Variants in SCEL observed in about 807,000 individuals in gnomAD.
SCEL encodes sciellin.
A neutral mutation model predicts 117.6 loss-of-function variants in SCEL; 113 were observed. The ratio of observed to expected loss-of-function variants is 0.96; its 90% confidence interval spans 0.83 to 1.12. The LOEUF is 1.12. Ranked by LOEUF, SCEL falls within the 50% of genes most tolerant of loss-of-function variation. The probability of loss-of-function intolerance (pLI) is 0.00; values close to 1 mark genes in which losing one functional copy is unlikely to be tolerated. For missense variants in SCEL, 785 were observed against 810.8 expected (o/e 0.97, Z 0.39); for synonymous variants, 270 against 256.2 (o/e 1.05, Z -0.51).
At chr13:77,621,268 C>A (rs2089400042) in intron 27 of SCEL, among the ~76,000 whole-genome samples, 1 of 152,182 alleles carries the variant, frequency 6.6e-6, no homozygotes, top group Admixed American at 6.5e-5. Context: ...CCTCCTTAAC[C>A]TGGTCTCTAA....
chr13:77,571,023 G>A (rs781377763), intron 8 of SCEL, among the ~76,000 whole-genome samples: 9 of 151,092 alleles, frequency 6.0e-5, no homozygotes, highest in Non-Finnish European at 1.2e-4. Context: ...GTAGAGATGG[G>A]GTTTCACCAT....
intron 5 of SCEL, among the ~76,000 whole-genome samples, chr13:77,566,145 G>A (rs1181129807): frequency 1.3e-5 from 2 of 152,120 alleles, no homozygotes; most frequent in African/African-American, 4.8e-5. Flanking sequence ...GGTGACTAAA[G>A]AGTAAAGGAA....
At chr13:77,641,143 G>T (rs2090539455) in intron 31 of SCEL, among the ~76,000 whole-genome samples, 1 of 152,142 alleles carries the variant, frequency 6.6e-6, no homozygotes, top group African/African-American at 2.4e-5. Context: ...AAAATAAATT[G>T]TTGAGAAGAA....
At chr13:77,593,300 G>GTGTGCGCGCGCGCGTC (rs1555510801) in intron 11 of SCEL, among the ~76,000 whole-genome samples, 1 of 145,146 alleles carries the variant, frequency 6.9e-6, no homozygotes, top group Non-Finnish European at 1.5e-5. Flanking sequence ...GTGTGTGTCT[G>GTGTGCGCGCGCGCGTC]TGTGTGTGTG....
At chr13:77,580,546 A>T (rs541307) in intron 9 of SCEL, among the ~76,000 whole-genome samples, 27,482 of 152,130 alleles carry the variant, frequency 0.18, 2,848 homozygotes, top group African/African-American at 0.27. Context: ...GTTTTTGGTA[A>T]ATTCAAATGA....
At chr13:77,638,656 T>C (rs989097963) in intron 30 of SCEL, among the ~76,000 whole-genome samples, 1 of 152,214 alleles carries the variant, frequency 6.6e-6, no homozygotes, top group African/African-American at 2.4e-5. Context: ...TGTGTGAAAT[T>C]GGCGATGTTC....
intron 1 of SCEL, among the ~76,000 whole-genome samples, chr13:77,536,048 C>G (rs915456568): frequency 6.6e-6 from 1 of 152,026 alleles, no homozygotes; most frequent in African/African-American, 2.4e-5. Context: ...TTATGGGCAT[C>G]ACAGAAACGA....
intron 28 of SCEL, among the ~76,000 whole-genome samples, chr13:77,632,366 G>A (rs2090064791): frequency 6.6e-6 from 1 of 152,148 alleles, no homozygotes; most frequent in Non-Finnish European, 1.5e-5. Context: ...GTTTTGTATT[G>A]TATATTATAT....
chr13:77,606,722 G>A (rs2088221158), intron 19 of SCEL, among the ~76,000 whole-genome samples: 1 of 152,150 alleles, frequency 6.6e-6, no homozygotes, highest in Non-Finnish European at 1.5e-5. Flanking sequence ...ACAAATAAAA[G>A]ACTTGAATCA....
chr13:77,541,588 G>A (rs1011442768), intron 1 of SCEL, among the ~76,000 whole-genome samples: 1 of 152,120 alleles, frequency 6.6e-6, no homozygotes, highest in African/African-American at 2.4e-5. Flanking sequence ...ATATTTTGTA[G>A]CTGCAAAATA....
In SCEL at chr13:77,555,933, G is replaced by A. The variant is rs758965203; in HGVS notation, c.43+15G>A. ...CACAGGAAATGGTAATGTACATGAT[G>A]TTTCTCTCACTCAGAAAACTTTAAA... On this transcript the variant is annotated intron_variant, in intron 2 of 32. Coordinates refer to ENST00000349847, the MANE Select transcript of SCEL (RefSeq NM_144777.3). 2 of 1,609,434 alleles carry A rather than the reference G, an allele frequency of 1.2e-6. No homozygotes were observed. Among genetic ancestry groups the A allele is most frequent in the African/African-American group, 2.7e-5 (2 of 74,916 alleles).
intron 28 of SCEL, among the ~76,000 whole-genome samples, chr13:77,633,121 T>C (rs1362361860): frequency 1.3e-5 from 2 of 152,288 alleles, no homozygotes; most frequent in African/African-American, 2.4e-5. Context: ...ATGCATTCTA[T>C]TTGTGTTATC....
chr13:77,559,662 AT>A (rs1818522983), intron 3 of SCEL, 141 bp from the exon 4 acceptor site: 1 of 652,484 alleles, frequency 1.5e-6, no homozygotes, highest in Non-Finnish European at 2.7e-6. Context: ...AAATAGATAC[AT>A]AATTTTGTGT....
chr13:77,603,867 A>T (rs2087908753), intron 18 of SCEL, among the ~76,000 whole-genome samples: 1 of 152,198 alleles, frequency 6.6e-6, no homozygotes, highest in African/African-American at 2.4e-5. Flanking sequence ...ATGAAAGCAT[A>T]CGTTCTTATT....
At chr13:77,536,609 A>G (rs2083433026) in intron 1 of SCEL, among the ~76,000 whole-genome samples, 2 of 152,256 alleles carry the variant, frequency 1.3e-5, no homozygotes, top group Admixed American at 6.5e-5. Context: ...AGGCTAGAAG[A>G]GTTCTTTTAA....
At chr13:77,542,920 T>C (rs930258245) in intron 1 of SCEL, among the ~76,000 whole-genome samples, 32 of 152,150 alleles carry the variant, frequency 2.1e-4, no homozygotes, top group African/African-American at 7.0e-4. Flanking sequence ...CCCTGTTTCA[T>C]TGATTTCCGG....
At chr13:77,589,110 A>C (rs754778708) in intron 9 of SCEL, 34 bp from the exon 10 acceptor site, 7 of 1,484,030 alleles carry the variant, frequency 4.7e-6, no homozygotes, top group Non-Finnish European at 6.6e-6. Flanking sequence ...CCATGTTTCC[A>C]TGGTGAAATG....
chr13:77,576,344 T>G (rs2085941842), intron 9 of SCEL, among the ~76,000 whole-genome samples: 1 of 152,186 alleles, frequency 6.6e-6, no homozygotes, highest in Non-Finnish European at 1.5e-5. Context: ...ATTTTCTTTC[T>G]TTTTCGATTT....
chr13:77,580,604 A>G (rs1455604419), intron 9 of SCEL, among the ~76,000 whole-genome samples: 2 of 152,194 alleles, frequency 1.3e-5, no homozygotes, highest in African/African-American at 2.4e-5. Context: ...GTTAAATGGC[A>G]TGTAAAGCTC....
Sources: gnomAD v4.1 joint callset for allele counts (sites outside exome capture counted in the v4.1 genomes callset) on GRCh38, gnomAD v4.1.1 for gene constraint, MANE v1.5 for transcripts, NCBI Gene and HGNC (gene_info 2026-07-23, HGNC 2026-07-21) for gene names.